Variants in SCN9A observed in about 807,000 individuals in gnomAD.
SCN9A encodes sodium channel protein type 9 subunit alpha.
In SCN9A, 131 loss-of-function variants were observed where a neutral mutation model predicts 187.0. The ratio of observed to expected loss-of-function variants is 0.70; its 90% confidence interval spans 0.61 to 0.81. The LOEUF is 0.81. SCN9A is among the 30% of genes least tolerant of loss of function. The pLI, the probability that SCN9A is intolerant of heterozygous loss-of-function variation, is 0.00. For synonymous variants in SCN9A, 809 were observed against 808.6 expected (o/e 1.00, Z -0.01); for missense variants, 2,252 against 2,396.6 (o/e 0.94, Z 1.26).
At chr2:166,327,400 GC>G (rs1699391394) in intron 1 of SCN9A, among the ~76,000 whole-genome samples, 1 of 152,066 alleles carries the variant, frequency 6.6e-6, no homozygotes, top group African/African-American at 2.4e-5. Flanking sequence ...CAAGTGATCT[GC>G]CCTCCTTGGC....
At chr2:166,365,091 T>G (rs908005807) in intron 1 of SCN9A, among the ~76,000 whole-genome samples, 9 of 152,152 alleles carry the variant, frequency 5.9e-5, no homozygotes, top group African/African-American at 2.2e-4. Flanking sequence ...ACTCCCACCA[T>G]TAAGTTTCCA....
intron 17 of SCN9A, among the ~76,000 whole-genome samples, chr2:166,257,640 C>T: frequency 6.6e-6 from 1 of 151,516 alleles, no homozygotes; most frequent in Non-Finnish European, 1.5e-5. Flanking sequence ...ACATGTACCT[C>T]ATCTTTTCTA....
intron 1 of SCN9A, among the ~76,000 whole-genome samples, chr2:166,330,704 G>A (rs1448881210): frequency 6.6e-6 from 1 of 152,170 alleles, no homozygotes; most frequent in Non-Finnish European, 1.5e-5. Context: ...GCATTAGTTA[G>A]AGTCTCATAA....
At chr2:166,364,533 G>A (rs1431576002) in intron 1 of SCN9A, among the ~76,000 whole-genome samples, 1 of 152,048 alleles carries the variant, frequency 6.6e-6, no homozygotes, top group Non-Finnish European at 1.5e-5. Context: ...GCTACGACCC[G>A]GATGAACACC....
intron 7 of SCN9A, among the ~76,000 whole-genome samples, chr2:166,300,644 C>T (rs971966750): frequency 3.3e-5 from 5 of 150,526 alleles, no homozygotes; most frequent in Non-Finnish European, 4.4e-5. Flanking sequence ...ATGTAATAAA[C>T]GCACCAATAA....
intron 1 of SCN9A, among the ~76,000 whole-genome samples, chr2:166,340,602 CTTTT>C (rs112373468): frequency 2.5e-5 from 1 of 40,206 alleles, no homozygotes; most frequent in Non-Finnish European, 4.7e-5. Flanking sequence ...TTCTTTCTTT[CTTTT>C]TCTTTCTTTC....
chr2:166,280,344 A>G lies in SCN9A; in HGVS notation c.2343+13T>C, dbSNP rs766643348. On this transcript the variant is annotated intron_variant, in intron 14 of 26. Coordinates refer to ENST00000642356, the MANE Select transcript of SCN9A (RefSeq NM_001365536.1). ...AGAAACTATGAGTACATAACACACA[A>G]TAAGAGACTTACCAAATTTCCTATA... is the stretch of plus-strand genomic sequence containing the variant. 1.5e-5 allele frequency: 22 copies of G among 1,424,436 alleles called. No individual in the cohort carries two copies. The highest frequency in any genetic ancestry group is 3.9e-5 in the Admixed American group (2 of 51,418). 88.2% of individuals were successfully genotyped at this position (1,424,436 alleles called of 1,614,324 possible).
At chr2:166,251,240 A>G (rs1048079987) in intron 18 of SCN9A, among the ~76,000 whole-genome samples, 3 of 152,076 alleles carry the variant, frequency 2.0e-5, no homozygotes, top group Admixed American at 2.0e-4. Context: ...AGAAATCATT[A>G]TTTACAGGAT....
chr2:166,296,018 C>G (rs933652214), intron 7 of SCN9A: 2 of 152,108 alleles, frequency 1.3e-5, no homozygotes, highest in African/African-American at 4.8e-5. Context: ...TCCTATTTTA[C>G]TCAGGTCAAA....
At chr2:166,278,637 T>C (rs981379723) in intron 14 of SCN9A, among the ~76,000 whole-genome samples, 5 of 152,164 alleles carry the variant, frequency 3.3e-5, no homozygotes, top group African/African-American at 1.2e-4. Flanking sequence ...AGAATTTATG[T>C]GGGTCAAAAA....
chr2:166,262,676 C>G (rs1040955293), intron 17 of SCN9A, among the ~76,000 whole-genome samples: 1 of 151,880 alleles, frequency 6.6e-6, no homozygotes, highest in Admixed American at 6.6e-5. Context: ...TAAAAAGACC[C>G]CCAGATACGT....
rs945184081 is a variant in SCN9A, at chr2:166,300,476, G to C, written c.901+2614C>G. Among the ~76,000 whole-genome samples the C allele has an allele frequency of 9.9e-5, 15 of 150,814 alleles. 1 individual carries two copies. Among genetic ancestry groups the C allele is most frequent in the African/African-American group, 3.7e-4 (15 of 40,176 alleles). On this transcript the variant is annotated intron_variant, in intron 7 of 26. Transcript: ENST00000642356. ...TCATCTAGTTGATATCTCAGCACCT[G>C]AGACTCACTTCCTTTGCATGGCATT... is the stretch of plus-strand genomic sequence containing the variant.
intron 22 of SCN9A, among the ~76,000 whole-genome samples, chr2:166,228,063 T>C (rs1694915211): frequency 1.3e-5 from 2 of 152,018 alleles, no homozygotes; most frequent in Admixed American, 1.3e-4. Context: ...CTGTGGGAAG[T>C]TCCTCTCATC....
intron 1 of SCN9A, among the ~76,000 whole-genome samples, chr2:166,340,586 C>G (rs1699754427): frequency 1.6e-5 from 1 of 62,290 alleles, no homozygotes; most frequent in Admixed American, 1.5e-4. Flanking sequence ...TTCTTTCTTT[C>G]TTTCTTTCTT....
intron 18 of SCN9A, among the ~76,000 whole-genome samples, chr2:166,247,636 C>G (rs758871321): frequency 2.0e-5 from 3 of 152,082 alleles, no homozygotes; most frequent in Non-Finnish European, 4.4e-5. Flanking sequence ...CCTGCCTCAG[C>G]CTCTTGAGTA....
At chr2:166,333,414 C>G (rs115555277) in intron 1 of SCN9A, among the ~76,000 whole-genome samples, 2,307 of 152,190 alleles carry the variant, frequency 0.015, 54 homozygotes, top group African/African-American at 0.052. Context: ...GTTCCCCCTA[C>G]AATGTAACAT....
At chr2:166,215,754 T>C (rs114939767) in intron 24 of SCN9A, among the ~76,000 whole-genome samples, 9,474 of 118,518 alleles carry the variant, frequency 0.08, 359 homozygotes, top group Non-Finnish European at 0.1. Context: ...AGAAAATAGA[T>C]CAGTAATAAA....
chr2:166,222,976 C>CAAAAA (rs1694686070), intron 24 of SCN9A, among the ~76,000 whole-genome samples: 3 of 59,496 alleles, frequency 5.0e-5, no homozygotes, highest in Non-Finnish European at 7.4e-5. Context: ...AAAAAAACAG[C>CAAAAA]AACAAAAAAC....
At chr2:166,361,275 T>A (rs16852023) in intron 1 of SCN9A, among the ~76,000 whole-genome samples, 33,864 of 152,076 alleles carry the variant, frequency 0.22, 4,206 homozygotes, top group African/African-American at 0.33. Context: ...AAAGCTAATG[T>A]TCTTAGGAAC....
Sources: gnomAD v4.1 joint callset for allele counts (sites outside exome capture counted in the v4.1 genomes callset) on GRCh38, gnomAD v4.1.1 for gene constraint, MANE v1.5 for transcripts, NCBI Gene and HGNC (gene_info 2026-07-23, HGNC 2026-07-21) for gene names.